E2F3: variants seen among roughly 807,000 people sequenced by gnomAD.
E2F3 encodes the protein transcription factor E2F3.
A neutral mutation model predicts 44.4 loss-of-function variants in E2F3; 11 were observed. The ratio of observed to expected loss-of-function variants is 0.25; its 90% confidence interval spans 0.16 to 0.41. The LOEUF is 0.41. E2F3 is among the 10% of genes least tolerant of loss of function. The pLI, the probability that E2F3 is intolerant of heterozygous loss-of-function variation, is 1.00. For missense variants in E2F3, 487 were observed against 583.6 expected (o/e 0.83, Z 1.70); for synonymous variants, 249 against 253.0 (o/e 0.98, Z 0.15).
intron 1 of E2F3, among the ~76,000 whole-genome samples, chr6:20,448,510 A>G (rs922526804): frequency 1.3e-4 from 20 of 152,210 alleles, no homozygotes; most frequent in South Asian, 2.1e-4. Context: ...TGTTTGTAAA[A>G]TATGATTTTT....
chr6:20,408,186 C>G (rs1419754361), intron 1 of E2F3, among the ~76,000 whole-genome samples: 1 of 152,154 alleles, frequency 6.6e-6, no homozygotes, highest in African/African-American at 2.4e-5. Context: ...TATAGGAAAC[C>G]ACTAATAGTG....
intron 1 of E2F3, among the ~76,000 whole-genome samples, chr6:20,460,543 A>T (rs569253677): frequency 6.6e-6 from 1 of 152,306 alleles, no homozygotes; most frequent in South Asian, 2.1e-4. Context: ...TTATTTAACC[A>T]TTCCCTTTTA....
intron 4 of E2F3, 73 bp downstream of exon 4, chr6:20,482,993 A>G: frequency 1.3e-6 from 2 of 1,595,300 alleles, no homozygotes; most frequent in Non-Finnish European, 1.7e-6. Flanking sequence ...AATCTGACTT[A>G]TGCACAAGGT....
chr6:20,487,359 A>G (rs1438264967), intron 5 of E2F3, among the ~76,000 whole-genome samples: 2 of 152,198 alleles, frequency 1.3e-5, no homozygotes, highest in Non-Finnish European at 2.9e-5. Flanking sequence ...GGAGATAAAA[A>G]GAGAATGAAA....
chr6:20,488,892 G>T (rs985247773), intron 6 of E2F3, among the ~76,000 whole-genome samples: 2 of 152,130 alleles, frequency 1.3e-5, no homozygotes, highest in Non-Finnish European at 2.9e-5. Flanking sequence ...TACTCGGGAG[G>T]CTGAGGCAGG....
chr6:20,468,651 G>A (rs1761792830), intron 1 of E2F3, among the ~76,000 whole-genome samples: 1 of 152,174 alleles, frequency 6.6e-6, no homozygotes, highest in South Asian at 2.1e-4. Flanking sequence ...TGGAGGTTTA[G>A]AGATGGGTCT....
At chr6:20,451,200 G>T (rs1428130794) in intron 1 of E2F3, among the ~76,000 whole-genome samples, 1 of 152,014 alleles carries the variant, frequency 6.6e-6, no homozygotes, top group Non-Finnish European at 1.5e-5. Context: ...AACATTGAAT[G>T]TGTAAATTGC....
At chr6:20,446,057 C>T (rs532740327) in intron 1 of E2F3, among the ~76,000 whole-genome samples, 30 of 152,280 alleles carry the variant, frequency 2.0e-4, no homozygotes, top group African/African-American at 7.2e-4. Flanking sequence ...GTGGGAGGAA[C>T]CCTGAGGACC....
At chr6:20,459,254 A>G (rs1761416935) in intron 1 of E2F3, among the ~76,000 whole-genome samples, 1 of 152,224 alleles carries the variant, frequency 6.6e-6, no homozygotes, top group African/African-American at 2.4e-5. Context: ...CCTGGGTGAC[A>G]GAGTGAAACT....
At position 20,490,947 on chromosome 6, in the gene E2F3, T is replaced by C. The variant is rs1161942289; in HGVS notation, c.*517T>C. 1 of 230,102 alleles carries C rather than the reference T, an allele frequency of 4.3e-6. No homozygotes were observed. The highest frequency in any genetic ancestry group is 5.7e-5 in the Admixed American group (1 of 17,648). 14.3% of individuals were successfully genotyped at this position (230,102 alleles called of 1,614,324 possible). A position where few individuals can be genotyped will look rare whatever the true frequency, so the allele number is the denominator to read the frequency against. ...GTCATGCAAAAGTATGAAATGGATT[T>C]CTTCAGCTCTTCTTAGGAATATTTA... On this transcript the variant is annotated 3_prime_UTR_variant, in exon 7 of 7. Coordinates refer to ENST00000346618, the MANE Select transcript of E2F3 (RefSeq NM_001949.5). This position sits in a 1 kb window ranked among gnomAD's most constrained non-coding sequence, Gnocchi z 4.3.
chr6:20,486,261 C>G (rs557368792), intron 4 of E2F3, among the ~76,000 whole-genome samples: 1 of 152,052 alleles, frequency 6.6e-6, no homozygotes, highest in East Asian at 1.9e-4. Flanking sequence ...ATTTGCACAT[C>G]CAGAAGGGGA....
chr6:20,467,325 G>C (rs1761747039), intron 1 of E2F3, among the ~76,000 whole-genome samples: 1 of 152,182 alleles, frequency 6.6e-6, no homozygotes, highest in South Asian at 2.1e-4. Context: ...AATACAAAGT[G>C]TATCAGCTGT....
At chr6:20,468,201 C>T (rs1312926765) in intron 1 of E2F3, among the ~76,000 whole-genome samples, 1 of 152,206 alleles carries the variant, frequency 6.6e-6, no homozygotes, top group Non-Finnish European at 1.5e-5. Context: ...AGAAGTGTCA[C>T]ATCACACAGA....
At chr6:20,476,683 G>A (rs891545831) in intron 1 of E2F3, among the ~76,000 whole-genome samples, 3 of 152,168 alleles carry the variant, frequency 2.0e-5, no homozygotes, top group Non-Finnish European at 4.4e-5. Flanking sequence ...CAACCTGTTC[G>A]CGGTGGGGGC....
At chr6:20,426,041 G>T (rs1005316250) in intron 1 of E2F3, among the ~76,000 whole-genome samples, 2 of 152,218 alleles carry the variant, frequency 1.3e-5, no homozygotes, top group African/African-American at 4.8e-5. Context: ...TATTGATTTT[G>T]TGTGTAAAAT....
At chr6:20,403,221 G>A (rs1323491550) in intron 1 of E2F3, among the ~76,000 whole-genome samples, 3 of 151,982 alleles carry the variant, frequency 2.0e-5, no homozygotes, top group African/African-American at 7.2e-5. Flanking sequence ...GAGGGGAGTC[G>A]GGCGTGGGGG....
At chr6:20,423,224 C>T (rs1760086004) in intron 1 of E2F3, among the ~76,000 whole-genome samples, 1 of 152,142 alleles carries the variant, frequency 6.6e-6, no homozygotes, top group South Asian at 2.1e-4. Context: ...AGTACTTACA[C>T]AAACCTCATG....
chr6:20,463,187 T>C (rs1442216754), intron 1 of E2F3, among the ~76,000 whole-genome samples: 1 of 152,162 alleles, frequency 6.6e-6, no homozygotes, highest in African/African-American at 2.4e-5. Context: ...CTCAAAATTC[T>C]GGGATTACAA....
intron 1 of E2F3, among the ~76,000 whole-genome samples, chr6:20,427,898 G>GTTC (rs1760267814): frequency 6.6e-6 from 1 of 152,158 alleles, no homozygotes. Flanking sequence ...TTAGGGTTTG[G>GTTC]TTCTTCTGGC....
Sources: gnomAD v4.1 joint callset for allele counts (sites outside exome capture counted in the v4.1 genomes callset) on GRCh38, gnomAD v4.1.1 for gene constraint, Gnocchi (gnomAD v3.1) non-coding constraint, MANE v1.5 for transcripts, NCBI Gene and HGNC (gene_info 2026-07-23, HGNC 2026-07-21) for gene names.